Variants in KIAA0825 observed in about 807,000 individuals in gnomAD.
KIAA0825 encodes uncharacterized protein KIAA0825.
In KIAA0825, 119 loss-of-function variants were observed where a neutral mutation model predicts 147.6. The ratio of observed to expected loss-of-function variants is 0.81; its 90% CI spans 0.69 to 0.94. The LOEUF (loss-of-function observed/expected upper bound fraction) is 0.94. Among genes scored for constraint, KIAA0825 ranks in the 40% least tolerant of loss-of-function variants. KIAA0825 has a pLI of 0.00. For synonymous variants in KIAA0825, 470 were observed against 518.1 expected (o/e 0.91, Z 1.26); for missense variants, 1,381 against 1,472.7 (o/e 0.94, Z 1.02).
At chr5:94,240,927 T>C (rs1429503923) in intron 20 of KIAA0825, among the ~76,000 whole-genome samples, 3 of 152,366 alleles carry the variant, frequency 2.0e-5, no homozygotes, top group African/African-American at 4.8e-5. Context: ...GAAAGGCAGA[T>C]ACATTCAGAT....
At chr5:94,552,355 A>G (rs530527049) in intron 2 of KIAA0825, among the ~76,000 whole-genome samples, 6 of 152,154 alleles carry the variant, frequency 3.9e-5, no homozygotes, top group Admixed American at 1.3e-4. Context: ...CACTGGAAAG[A>G]TCATCTAGAC....
intron 20 of KIAA0825, among the ~76,000 whole-genome samples, chr5:94,169,108 C>T (rs1359291958): frequency 1.3e-5 from 2 of 152,178 alleles, no homozygotes; most frequent in Non-Finnish European, 2.9e-5. Flanking sequence ...GCCAACCATG[C>T]ACTAACCTCT....
chr5:94,594,303 T>C, intron 1 of KIAA0825: 1 of 651,356 alleles, frequency 1.5e-6, no homozygotes, highest in South Asian at 1.4e-5. Context: ...GTTTCTCGAC[T>C]GCTTCTGTCA....
At chr5:94,207,084 A>C (rs560483210) in intron 20 of KIAA0825, among the ~76,000 whole-genome samples, 1 of 152,256 alleles carries the variant, frequency 6.6e-6, no homozygotes, top group East Asian at 1.9e-4. Context: ...TGAGCCAGCA[A>C]TGTTCTTTTC....
At chr5:94,309,063 T>C (rs1778934855) in intron 20 of KIAA0825, among the ~76,000 whole-genome samples, 2 of 151,818 alleles carry the variant, frequency 1.3e-5, no homozygotes, top group Admixed American at 1.3e-4. Flanking sequence ...AATGATACTT[T>C]GTGTTGTACT....
At chr5:94,573,269 T>TG (rs1209855917) in intron 2 of KIAA0825, among the ~76,000 whole-genome samples, 1 of 115,394 alleles carries the variant, frequency 8.7e-6, no homozygotes, top group Non-Finnish European at 1.8e-5. Flanking sequence ...TCTTTTTAAG[T>TG]GTTTTTTTTT....
intron 5 of KIAA0825, among the ~76,000 whole-genome samples, chr5:94,495,178 C>T (rs897029569): frequency 6.6e-6 from 1 of 152,138 alleles, no homozygotes; most frequent in Admixed American, 6.5e-5. Context: ...CCCTAGTGCC[C>T]ACCTGAAAAG....
chr5:94,388,827 C>A (rs1749526160), intron 18 of KIAA0825, among the ~76,000 whole-genome samples: 1 of 152,178 alleles, frequency 6.6e-6, no homozygotes, highest in Non-Finnish European at 1.5e-5. Flanking sequence ...GATTTCCATT[C>A]TTTCTTGAAC....
chr5:94,459,727 A>C (rs1759572049), intron 12 of KIAA0825, among the ~76,000 whole-genome samples: 1 of 152,020 alleles, frequency 6.6e-6, no homozygotes, highest in South Asian at 2.1e-4. Context: ...GAAATCCCAC[A>C]CTTCCATCTT....
intron 1 of KIAA0825, among the ~76,000 whole-genome samples, chr5:94,601,252 A>C (rs544178204): frequency 3.9e-5 from 6 of 152,242 alleles, no homozygotes; most frequent in Non-Finnish European, 7.4e-5. Flanking sequence ...CACAGCCTTC[A>C]CTGGTGATAC....
At chr5:94,565,586 C>T (rs1223769507) in intron 2 of KIAA0825, among the ~76,000 whole-genome samples, 3 of 152,052 alleles carry the variant, frequency 2.0e-5, no homozygotes, top group Non-Finnish European at 4.4e-5. Context: ...AAGTGATCCA[C>T]CCCCGTCAGC....
intron 3 of KIAA0825, among the ~76,000 whole-genome samples, chr5:94,525,044 C>T (rs886191093): frequency 6.6e-6 from 1 of 151,768 alleles, no homozygotes; most frequent in African/African-American, 2.4e-5. Flanking sequence ...ATATTACTAC[C>T]ACCTGATGGC....
chr5:94,222,857 G>A (rs1773792124), intron 20 of KIAA0825, among the ~76,000 whole-genome samples: 1 of 151,936 alleles, frequency 6.6e-6, no homozygotes, highest in South Asian at 2.1e-4. Context: ...ATATATTTAA[G>A]ATATACAATA....
At chr5:94,235,359 C>G (rs1448372633) in intron 20 of KIAA0825, among the ~76,000 whole-genome samples, 2 of 152,224 alleles carry the variant, frequency 1.3e-5, no homozygotes, top group African/African-American at 4.8e-5. Context: ...CACCAACATT[C>G]CCTTAAACCA....
intron 2 of KIAA0825, among the ~76,000 whole-genome samples, chr5:94,574,659 C>T (rs1004993972): frequency 6.6e-6 from 1 of 151,882 alleles, no homozygotes; most frequent in Non-Finnish European, 1.5e-5. Context: ...TTCACAACCT[C>T]AGCTCTTACT....
At position 94,229,230 on chromosome 5, in the gene KIAA0825, T is replaced by A. The variant is rs887841045; in HGVS notation, c.3711-75106A>T. The stretch of plus-strand genomic sequence containing the variant: ...GTTCATAAGAGGTAAATATTTTGAA[T>A]CCTTGTATGTGTGAAAATGTCTCTA... On this transcript the variant is annotated intron_variant, in intron 20 of 20. Transcript: ENST00000682413. Among the ~76,000 whole-genome samples, 5 of 152,210 alleles carry A rather than the reference T, an allele frequency of 3.3e-5. No individual in the cohort carries two copies. In the South Asian group the frequency reaches 1.0e-3, roughly 31 times the overall value.
chr5:94,532,320 T>C lies in KIAA0825; in HGVS notation c.131+4676A>G, dbSNP rs1770959403. On this transcript the variant is annotated intron_variant, in intron 3 of 20. Transcript: ENST00000682413. The stretch of plus-strand genomic sequence containing the variant: ...GAGCCACCACACCAGCTAATTTTTG[T>C]TTTTGTTTTTTGTAGAGACAGTGTT... Among the ~76,000 whole-genome samples the C allele has an allele frequency of 3.3e-5, 5 of 151,966 alleles. No homozygotes were observed. In the South Asian group the frequency reaches 8.3e-4, roughly 25 times the overall value.
At position 94,396,134 on chromosome 5, in the gene KIAA0825, T is replaced by A. The variant is rs1427217388; in HGVS notation, c.3263A>T (p.Gln1088Leu). ...EQQKPNWIER[Q>L]LLKARKLSTE... ...GCTCAGTTTCCTTGCTTTCAACAAT[T>A]GACGTTCAATCCAGTTGGGCTTCTG... The change falls in exon 17 of 21, where the codon CAA becomes CTA. Residue 1088 changes from glutamine to leucine, a missense_variant. Gln to Leu is a moderately radical substitution (Grantham distance 113). Coordinates refer to ENST00000682413, the MANE Select transcript of KIAA0825 (RefSeq NM_001145678.3). The A allele has an allele frequency of 6.6e-7, 1 of 1,506,320 alleles. No homozygotes were observed. Among genetic ancestry groups the A allele is most frequent in the African/African-American group, 1.4e-5 (1 of 71,072 alleles). The allele number at this position is 1,506,320 out of a possible 1,614,324, so 93.3% of individuals were successfully genotyped here.
rs537499362 is a variant in KIAA0825 at position 94,395,285 on chromosome 5, C to T, written c.3296+816G>A. On this transcript the variant is annotated intron_variant, in intron 17 of 20. Transcript: ENST00000682413. ...AACCATATTTCAAGTGACTTTTAGTCATTTTGGGCAGAAAGTTATACTAGT... is the reference window on the plus strand; with the variant it reads ...AACCATATTTCAAGTGACTTTTAGTTATTTTGGGCAGAAAGTTATACTAGT... Among the ~76,000 whole-genome samples, 321 of 152,252 alleles carry T rather than the reference C, an allele frequency of 2.1e-3. 2 individuals carry two copies. The highest frequency in any genetic ancestry group is 7.1e-3 in the African/African-American group (293 of 41,546).
Sources: allele counts gnomAD v4.1 joint callset (sites outside exome capture counted in the v4.1 genomes callset), GRCh38; gene constraint gnomAD v4.1.1; transcripts MANE v1.5; gene names NCBI Gene and HGNC (gene_info 2026-07-23, HGNC 2026-07-21).